The following IRF2 variants were observed in gnomAD, a reference collection of about 807,000 sequenced individuals.
IRF2 encodes the protein interferon regulatory factor 2.
Under a neutral mutation model 40.6 loss-of-function variants are expected in IRF2, and 15 were observed. The ratio of observed to expected loss-of-function variants is 0.37; its 90% CI spans 0.25 to 0.57. The LOEUF is 0.57. Ranked by LOEUF, IRF2 falls within the 20% of genes least tolerant of loss-of-function variation. The probability of loss-of-function intolerance (pLI) is 0.77; values close to 1 mark genes in which losing one functional copy is unlikely to be tolerated. For missense variants in IRF2, 317 were observed against 455.7 expected (o/e 0.70, Z 2.77); for synonymous variants, 151 against 165.5 (o/e 0.91, Z 0.67).
chr4:184,469,614 G>A (rs1480022389), intron 1 of IRF2, among the ~76,000 whole-genome samples: 2 of 152,232 alleles, frequency 1.3e-5, no homozygotes, highest in Non-Finnish European at 2.9e-5. Flanking sequence ...GTTTGAGCCT[G>A]TAGTGAGCTA....
intron 7 of IRF2, 96 bp downstream of exon 7, chr4:184,398,819 G>A: frequency 9.1e-7 from 1 of 1,099,252 alleles, no homozygotes; most frequent in South Asian, 1.6e-5. Context: ...TAGGACAGAG[G>A]AGGGATGCTC....
At chr4:184,430,286 CTGG>C (rs1737826787) in intron 1 of IRF2, among the ~76,000 whole-genome samples, 1 of 117,402 alleles carries the variant, frequency 8.5e-6, no homozygotes, top group African/African-American at 2.9e-5. Context: ...CTCCTGCTGT[CTGG>C]CCCAGCCTTT....
chr4:184,456,072 T>C (rs115553578), intron 1 of IRF2, among the ~76,000 whole-genome samples: 1,638 of 152,054 alleles, frequency 0.011, 29 homozygotes, highest in African/African-American at 0.036. Flanking sequence ...CACACCGGAG[T>C]GGGTGCCTGC....
intron 5 of IRF2, among the ~76,000 whole-genome samples, chr4:184,412,291 T>C (rs937360006): frequency 7.2e-5 from 11 of 152,108 alleles, no homozygotes; most frequent in African/African-American, 1.4e-4. Context: ...TGTAAAATAA[T>C]ACACCTTTAG....
At chr4:184,416,398 TAA>T (rs569437089) in intron 5 of IRF2, among the ~76,000 whole-genome samples, 2 of 137,158 alleles carry the variant, frequency 1.5e-5, no homozygotes, top group Non-Finnish European at 1.6e-5. Context: ...TGTTCAATTG[TAA>T]AAAAAAAAAA....
At position 184,388,856 on chromosome 4, in the gene IRF2, T is replaced by C; in HGVS notation, c.952A>G (p.Thr318Ala). 1 of 1,613,394 alleles carries C rather than the reference T, an allele frequency of 6.2e-7. No individual in the cohort carries two copies. Among genetic ancestry groups the C allele is most frequent in the Non-Finnish European group, 8.5e-7 (1 of 1,179,900 alleles). Residue 318 changes from threonine to alanine, a missense_variant, in exon 9 of 9, where the codon ACC (threonine) becomes GCC (alanine). Thr to Ala is a moderately conservative substitution (Grantham distance 58). Coordinates refer to ENST00000393593, the MANE Select transcript of IRF2 (RefSeq NM_002199.4). This position sits in a 1 kb window ranked among gnomAD's most constrained non-coding sequence, Gnocchi z 4.6. Reference sequence around the variant, plus strand: ...GGCCGACTGCTGCTGGATGCTGGGGTCATGGAGGAAGAAAGGGGGAGGTCT... The same window carrying C: ...GGCCGACTGCTGCTGGATGCTGGGGCCATGGAGGAAGAAAGGGGGAGGTCT... The part of the protein sequence containing the change: ...FQDLPLSSSM[T>A]PASSSSRPDR...
At chr4:184,419,406 G>T in intron 3 of IRF2, 63 bp downstream of exon 3, 2 of 1,096,578 alleles carry the variant, frequency 1.8e-6, no homozygotes, top group Non-Finnish European at 2.8e-6. Flanking sequence ...TATTTTATGT[G>T]TAATAAAAAC....
chr4:184,472,948 G>A (rs560987890), intron 1 of IRF2, among the ~76,000 whole-genome samples: 1 of 152,338 alleles, frequency 6.6e-6, no homozygotes, highest in South Asian at 2.1e-4. Flanking sequence ...CCCAGACCGG[G>A]GGCCAAGGGG....
chr4:184,390,669 G>A, intron 8 of IRF2, 34 bp downstream of exon 8: 2 of 1,611,658 alleles, frequency 1.2e-6, no homozygotes, highest in Non-Finnish European at 1.7e-6. Context: ...GCTTTTCCTT[G>A]GCAGCATCGT....
Position 184,443,899 on chromosome 4 carries a change from T to C in IRF2, c.-6-14829A>G, listed in dbSNP as rs551740721. Among the ~76,000 whole-genome samples, 156 of 152,340 alleles carry C rather than the reference T, an allele frequency of 1.0e-3. No individual in the cohort carries two copies. In the Middle Eastern group the frequency reaches 0.031, roughly 30 times the overall value. The stretch of plus-strand genomic sequence containing the variant: ...CCCTAGGAAATGGTTTGGGTATTAA[T>C]GGTGATCAATCATGTCTGACCCTTA... On this transcript the variant is annotated intron_variant, in intron 1 of 8. Coordinates refer to ENST00000393593, the MANE Select transcript of IRF2 (RefSeq NM_002199.4).
intron 5 of IRF2, among the ~76,000 whole-genome samples, chr4:184,412,392 C>T (rs1254071407): frequency 6.6e-6 from 1 of 152,292 alleles, no homozygotes; most frequent in African/African-American, 2.4e-5. Context: ...CGAGCCCATG[C>T]TGTCTCAACC....
chr4:184,473,464 G>T (rs1168186838), intron 1 of IRF2, among the ~76,000 whole-genome samples: 3 of 147,624 alleles, frequency 2.0e-5, no homozygotes, highest in Non-Finnish European at 4.5e-5. Flanking sequence ...TGCCTTCCTG[G>T]GACGCGCCGC....
Position 184,473,064 on chromosome 4 carries a change from G to A in IRF2, c.-7+1315C>T, listed in dbSNP as rs529719577. 1.7e-4 allele frequency among the ~76,000 whole-genome samples: 26 copies of A among 152,226 alleles called. 1 individual carries two copies. In the South Asian group the frequency reaches 5.0e-3, roughly 29 times the overall value. On this transcript the variant is annotated intron_variant, in intron 1 of 8. Coordinates refer to ENST00000393593, the MANE Select transcript of IRF2 (RefSeq NM_002199.4). ...ACGCCGGCCCCCAGGCCGTGCCACT[G>A]GGAGCAGGCGGGCGCCGCGATTGGC... is the stretch of plus-strand genomic sequence containing the variant.
At chr4:184,453,717 G>T (rs940049261) in intron 1 of IRF2, among the ~76,000 whole-genome samples, 2 of 152,208 alleles carry the variant, frequency 1.3e-5, no homozygotes, top group Admixed American at 6.5e-5. Flanking sequence ...CATCAGAGTG[G>T]ATAACTGAGC....
chr4:184,455,345 A>C (rs1579108081), intron 1 of IRF2, among the ~76,000 whole-genome samples: 2 of 89,372 alleles, frequency 2.2e-5, no homozygotes, highest in Non-Finnish European at 4.1e-5. Context: ...GCGTCTCCCC[A>C]TGTTGCCCAG....
rs192464679 is a variant in IRF2 at position 184,450,494 on chromosome 4, T to C, written c.-6-21424A>G. Reference sequence around the variant, plus strand: ...TTAGTTCTGAAATGAAAAAATGTAATGCAAACTATTTCTGCTTATTAGAAA... The same window carrying C: ...TTAGTTCTGAAATGAAAAAATGTAACGCAAACTATTTCTGCTTATTAGAAA... On this transcript the variant is annotated intron_variant, in intron 1 of 8. Coordinates refer to ENST00000393593, the MANE Select transcript of IRF2 (RefSeq NM_002199.4). Among the ~76,000 whole-genome samples, 420 of 152,344 alleles carry C rather than the reference T, an allele frequency of 2.8e-3. 1 individual carries two copies. The highest frequency in any genetic ancestry group is 9.4e-3 in the African/African-American group (391 of 41,582).
intron 2 of IRF2, among the ~76,000 whole-genome samples, chr4:184,421,910 G>A (rs920503880): frequency 2.6e-5 from 4 of 152,146 alleles, no homozygotes; most frequent in Non-Finnish European, 5.9e-5. Flanking sequence ...AAATTTGATC[G>A]CTAGTGTTGC....
At chr4:184,396,980 C>T (rs1038372499) in intron 7 of IRF2, among the ~76,000 whole-genome samples, 1 of 152,124 alleles carries the variant, frequency 6.6e-6, no homozygotes, top group Admixed American at 6.5e-5. Flanking sequence ...GTCAACTGTA[C>T]CCAAGCACTG....
intron 7 of IRF2, among the ~76,000 whole-genome samples, chr4:184,393,818 G>T (rs149910818): frequency 8.5e-5 from 13 of 152,222 alleles, no homozygotes; most frequent in African/African-American, 3.1e-4. Context: ...CCCCCTGAGG[G>T]GAGCAGTTCT....
Sources: allele counts gnomAD v4.1 joint callset (sites outside exome capture counted in the v4.1 genomes callset), GRCh38; gene constraint gnomAD v4.1.1; non-coding constraint Gnocchi (gnomAD v3.1); transcripts MANE v1.5; gene names NCBI Gene and HGNC (gene_info 2026-07-23, HGNC 2026-07-21).